Variants in AKAP13 observed in about 807,000 individuals in gnomAD.
AKAP13 encodes A-kinase anchoring protein 13, also known as A-kinase anchor protein 13.
In AKAP13, 80 loss-of-function variants were observed where a neutral mutation model predicts 264.5. The observed-to-expected ratio is 0.30, with a 90% CI of 0.25 to 0.36. The LOEUF is 0.36. Ranked by LOEUF, AKAP13 falls within the 10% of genes least tolerant of loss-of-function variation. The pLI is 1.00. For synonymous variants in AKAP13, 1,380 were observed against 1,250.2 expected (o/e 1.10, Z -2.19); for missense variants, 3,712 against 3,435.2 (o/e 1.08, Z -2.01).
chr15:85,510,571 G>A (rs2076383840), intron 2 of AKAP13, among the ~76,000 whole-genome samples: 1 of 152,094 alleles, frequency 6.6e-6, no homozygotes, highest in African/African-American at 2.4e-5. Context: ...GTAATGGATG[G>A]CAGTTCTATA....
chr15:85,731,303 G>A (rs1861859), intron 30 of AKAP13, among the ~76,000 whole-genome samples: 12,468 of 152,192 alleles, frequency 0.082, 795 homozygotes, highest in East Asian at 0.34. Context: ...ACTGCACCCG[G>A]CCATTAATCA....
chr15:85,632,818 G>A (rs1301523769), intron 8 of AKAP13, among the ~76,000 whole-genome samples: 5 of 152,204 alleles, frequency 3.3e-5, no homozygotes, highest in African/African-American at 1.2e-4. Context: ...CTCATTGGCT[G>A]TGGAATGACA....
At chr15:85,572,411 T>G (rs1567132303) in intron 5 of AKAP13, among the ~76,000 whole-genome samples, 1 of 151,796 alleles carries the variant, frequency 6.6e-6, no homozygotes, top group African/African-American at 2.4e-5. Flanking sequence ...CTTGAGTCGT[T>G]TCTTTGAACT....
intron 14 of AKAP13, among the ~76,000 whole-genome samples, chr15:85,678,079 G>T (rs2084354305): frequency 6.6e-6 from 1 of 152,084 alleles, no homozygotes; most frequent in South Asian, 2.1e-4. Flanking sequence ...ACTTTACAAG[G>T]TATCAATTTT....
At chr15:85,480,727 G>C (rs929409555) in intron 1 of AKAP13, 1 of 151,730 alleles carries the variant, frequency 6.6e-6, no homozygotes, top group East Asian at 1.9e-4. Flanking sequence ...CTCTCTTGTT[G>C]CCCAGGCTGG....
chr15:85,460,346 A>G (rs13329410), intron 1 of AKAP13, among the ~76,000 whole-genome samples: 3,996 of 152,314 alleles, frequency 0.026, 156 homozygotes, highest in African/African-American at 0.091. Flanking sequence ...CCCCCGATAC[A>G]GCTCGCCCTG....
chr15:85,593,984 G>A (rs2079697303), intron 8 of AKAP13, among the ~76,000 whole-genome samples: 1 of 152,276 alleles, frequency 6.6e-6, no homozygotes, highest in African/African-American at 2.4e-5. Context: ...TACAAAGGTT[G>A]TTTGTATTAA....
At chr15:85,604,487 G>A (rs891424980) in intron 8 of AKAP13, among the ~76,000 whole-genome samples, 11 of 148,650 alleles carry the variant, frequency 7.4e-5, no homozygotes, top group African/African-American at 2.7e-4. Context: ...TTTTTAAGTT[G>A]GAGCCTCGCT....
At chr15:85,386,423 A>G (rs1318028237) in intron 1 of AKAP13, among the ~76,000 whole-genome samples, 1 of 151,494 alleles carries the variant, frequency 6.6e-6, no homozygotes, top group Non-Finnish European at 1.5e-5. Context: ...CCTCCTGAGT[A>G]GCTGGGATTA....
rs550837069 is a variant in AKAP13 at position 85,392,208 on chromosome 15, T to A, written c.-12+11410T>A. 3.2e-4 allele frequency among the ~76,000 whole-genome samples: 48 copies of A among 147,930 alleles called. No homozygotes were observed. In the East Asian group the frequency reaches 7.8e-3, roughly 24 times the overall value. Reference sequence around the variant, plus strand: ...ATATTACTTATTCCATTTTTTTTTTTACTATGTATAGTCTATTGTCTTAAA... The same window carrying A: ...ATATTACTTATTCCATTTTTTTTTTAACTATGTATAGTCTATTGTCTTAAA... On this transcript the variant is annotated intron_variant, in intron 1 of 36. Coordinates refer to ENST00000394518, the MANE Select transcript of AKAP13 (RefSeq NM_007200.5).
At chr15:85,495,890 T>C (rs2075856866) in intron 2 of AKAP13, among the ~76,000 whole-genome samples, 1 of 152,236 alleles carries the variant, frequency 6.6e-6, no homozygotes, top group Non-Finnish European at 1.5e-5. Flanking sequence ...GAAAGAATTA[T>C]CTGGCACTAG....
chr15:85,705,085 A>G (rs1459497660), intron 17 of AKAP13, among the ~76,000 whole-genome samples: 2 of 152,246 alleles, frequency 1.3e-5, no homozygotes, highest in Non-Finnish European at 1.5e-5. Context: ...GTTTGGGGAC[A>G]TGTTTCAATT....
intron 8 of AKAP13, among the ~76,000 whole-genome samples, chr15:85,604,935 A>G (rs1214349594): frequency 2.0e-5 from 3 of 152,182 alleles, no homozygotes; most frequent in African/African-American, 4.8e-5. Context: ...TTACTGTAAC[A>G]TCTTCATAGG....
intron 14 of AKAP13, among the ~76,000 whole-genome samples, chr15:85,672,047 A>G (rs891317443): frequency 6.6e-6 from 1 of 152,200 alleles, no homozygotes; most frequent in Admixed American, 6.5e-5. Context: ...CCAAAGCGCT[A>G]TTCTAGAGGT....
intron 8 of AKAP13, among the ~76,000 whole-genome samples, chr15:85,628,604 A>G (rs1042432428): frequency 1.3e-5 from 2 of 152,202 alleles, no homozygotes; most frequent in Non-Finnish European, 2.9e-5. Context: ...ATCATTGTTA[A>G]TTAACTGCTG....
At chr15:85,385,756 C>T (rs900786603) in intron 1 of AKAP13, among the ~76,000 whole-genome samples, 2 of 152,066 alleles carry the variant, frequency 1.3e-5, no homozygotes, top group Non-Finnish European at 2.9e-5. Flanking sequence ...TTTGTATATA[C>T]TTTGGAATCA....
chr15:85,669,640 G>A (rs1472204898), intron 13 of AKAP13, 82 bp from the exon 14 acceptor site: 1 of 1,017,434 alleles, frequency 9.8e-7, no homozygotes, highest in African/African-American at 1.6e-5. Flanking sequence ...TTACTATGTG[G>A]GTCTAATTAT....
At chr15:85,471,390 G>T (rs951794766) in intron 1 of AKAP13, among the ~76,000 whole-genome samples, 2 of 152,126 alleles carry the variant, frequency 1.3e-5, no homozygotes, top group East Asian at 3.9e-4. Flanking sequence ...AGCTACTCCG[G>T]AGGCTGAGGC....
At chr15:85,742,827 A>G (rs1175904227) in intron 35 of AKAP13, among the ~76,000 whole-genome samples, 1 of 152,134 alleles carries the variant, frequency 6.6e-6, no homozygotes, top group African/African-American at 2.4e-5. Context: ...TTATACTGAC[A>G]GCTTCCAGGG....
Sources: allele counts gnomAD v4.1 joint callset (sites outside exome capture counted in the v4.1 genomes callset), GRCh38; gene constraint gnomAD v4.1.1; transcripts MANE v1.5; gene names NCBI Gene and HGNC (gene_info 2026-07-23, HGNC 2026-07-21).